The following RPA1 variants were observed in gnomAD, a reference collection of about 807,000 sequenced individuals.
RPA1 encodes replication protein A1, also known as replication protein A 70 kDa DNA-binding subunit.
In RPA1, 49 loss-of-function variants were observed where a neutral mutation model predicts 83.0. The observed-to-expected ratio is 0.59, with a 90% CI of 0.47 to 0.75. The LOEUF is 0.75. RPA1 is among the 30% of genes least tolerant of loss of function. The pLI, the probability that RPA1 is intolerant of heterozygous loss-of-function variation, is 0.00. For synonymous variants in RPA1, 279 were observed against 281.8 expected (o/e 0.99, Z 0.10); for missense variants, 693 against 776.1 (o/e 0.89, Z 1.27).
intron 4 of RPA1, among the ~76,000 whole-genome samples, chr17:1,847,804 A>G (rs1300728278): frequency 3.3e-5 from 5 of 151,680 alleles, no homozygotes; most frequent in African/African-American, 1.2e-4. Flanking sequence ...GGCAGATCAC[A>G]AGGACAGGAG....
intron 14 of RPA1, among the ~76,000 whole-genome samples, chr17:1,890,095 C>G (rs561530053): frequency 6.6e-6 from 1 of 152,250 alleles, no homozygotes; most frequent in South Asian, 2.1e-4. Context: ...ATTGGCCAGG[C>G]GCAGTGACTT....
intron 14 of RPA1, among the ~76,000 whole-genome samples, chr17:1,890,556 G>A (rs923844003): frequency 1.9e-4 from 29 of 151,846 alleles, no homozygotes; most frequent in Middle Eastern, 3.4e-3. Context: ...CCAGCTACTA[G>A]GGAGGCTGAG....
intron 1 of RPA1, among the ~76,000 whole-genome samples, chr17:1,840,107 AAAAAAG>A (rs1343414850): frequency 2.0e-5 from 3 of 151,902 alleles, no homozygotes; most frequent in Admixed American, 2.0e-4. Context: ...GTACAATAAA[AAAAAAG>A]AAAAAGAAAA....
chr17:1,844,181 G>A (rs1597422453), intron 3 of RPA1, among the ~76,000 whole-genome samples, 183 bp downstream of exon 3: 1 of 152,160 alleles, frequency 6.6e-6, no homozygotes, highest in Non-Finnish European at 1.5e-5. Context: ...GTAGTGGAAA[G>A]CTGCCACTTG....
intron 13 of RPA1, among the ~76,000 whole-genome samples, chr17:1,886,259 C>T (rs1188900711): frequency 6.6e-6 from 1 of 152,206 alleles, no homozygotes; most frequent in Non-Finnish European, 1.5e-5. Flanking sequence ...CAATAAACTA[C>T]ACTATAAATA....
chr17:1,844,274 G>A (rs181997673), intron 3 of RPA1, among the ~76,000 whole-genome samples: 9 of 152,240 alleles, frequency 5.9e-5, no homozygotes, highest in Non-Finnish European at 1.2e-4. Flanking sequence ...GACTGAGTGC[G>A]AGGGGTCAGC....
At chr17:1,891,426 G>A (rs1307912785) in intron 14 of RPA1, among the ~76,000 whole-genome samples, 4 of 151,602 alleles carry the variant, frequency 2.6e-5, no homozygotes, top group African/African-American at 4.8e-5. Flanking sequence ...GCTGCACCTC[G>A]ACAGGAACTA....
At chr17:1,851,399 C>T (rs2151274510) in intron 4 of RPA1, among the ~76,000 whole-genome samples, 1 of 152,154 alleles carries the variant, frequency 6.6e-6, no homozygotes, top group East Asian at 1.9e-4. Flanking sequence ...CTTTTTTCTC[C>T]TTTACTGTTT....
chr17:1,836,802 C>T (rs1911842232), intron 1 of RPA1, among the ~76,000 whole-genome samples: 1 of 150,766 alleles, frequency 6.6e-6, no homozygotes, highest in African/African-American at 2.4e-5. Flanking sequence ...GCTGGGACTA[C>T]AAGTGCATGC....
chr17:1,846,520 C>A (rs573967093), intron 4 of RPA1, among the ~76,000 whole-genome samples: 1 of 151,968 alleles, frequency 6.6e-6, no homozygotes, highest in African/African-American at 2.4e-5. Flanking sequence ...CGGGGTTTCA[C>A]CATGTTAGCC....
Position 1,853,105 on chromosome 17 carries a change from G to A in RPA1, c.277G>A (p.Val93Ile), listed in dbSNP as rs748785852. Residue 93 changes from valine to isoleucine, a missense_variant, in exon 5 of 17, where the codon GTA (valine) becomes ATA (isoleucine). Physicochemically the swap from Val to Ile is conservative, Grantham distance 29 (BLOSUM62 3). Transcript: ENST00000254719. Reference protein sequence around the residue: ...IVNTLKDGRRVVILMELEVLK... With the variant: ...IVNTLKDGRRIVILMELEVLK... Reference sequence around the variant, plus strand: ...TCTGTTTGTCTGCTTTTGCAGGAGAGTAGTTATCTTGATGGAATTAGAAGT... The same window carrying A: ...TCTGTTTGTCTGCTTTTGCAGGAGAATAGTTATCTTGATGGAATTAGAAGT... 5.6e-6 allele frequency: 9 copies of A among 1,614,044 alleles called. No homozygotes were observed. The highest frequency in any genetic ancestry group is 7.6e-6 in the Non-Finnish European group (9 of 1,179,888).
At chr17:1,894,227 T>C (rs921493205) in intron 15 of RPA1, among the ~76,000 whole-genome samples, 6 of 151,872 alleles carry the variant, frequency 4.0e-5, no homozygotes, top group Non-Finnish European at 7.4e-5. Context: ...AGTGCAGTAG[T>C]GCAGTCTCAG....
At chr17:1,854,301 A>C (rs1324981447) in intron 5 of RPA1, 1 of 152,218 alleles carries the variant, frequency 6.6e-6, no homozygotes, top group Non-Finnish European at 1.5e-5. Flanking sequence ...ATTTTTTTCA[A>C]GTTAGAAAAT....
intron 5 of RPA1, among the ~76,000 whole-genome samples, chr17:1,869,311 C>T (rs1034634785): frequency 3.3e-5 from 5 of 151,990 alleles, no homozygotes; most frequent in South Asian, 2.1e-4. Context: ...TTGAGGTGGG[C>T]GGGTCACCTG....
In RPA1 at chr17:1,834,128, C is replaced by T. The variant is rs138256472; in HGVS notation, c.33+4002C>T. ...CCGTGAGGCAGAGGTTGCAGTGAGC[C>T]GAGATTGCACCAGTGCATTCCAGAC... is the stretch of plus-strand genomic sequence containing the variant. On this transcript the variant is annotated intron_variant, in intron 1 of 16. Transcript: ENST00000254719. Among the ~76,000 whole-genome samples the T allele has an allele frequency of 8.6e-3, 1,311 of 152,090 alleles. 21 individuals carry two copies. The highest frequency in any genetic ancestry group is 0.03 in the African/African-American group (1,233 of 41,482).
chr17:1,845,709 T>C (rs1320230877), intron 4 of RPA1, among the ~76,000 whole-genome samples: 1 of 152,028 alleles, frequency 6.6e-6, no homozygotes, highest in Non-Finnish European at 1.5e-5. Flanking sequence ...GTAGGGAGGA[T>C]CACTTGAGCC....
chr17:1,877,345 C>T (rs1254048847), intron 8 of RPA1, 31 bp downstream of exon 8: 2 of 1,591,220 alleles, frequency 1.3e-6, no homozygotes, highest in African/African-American at 2.7e-5. Flanking sequence ...GGAGTGAGGG[C>T]AGTGGGCTCG....
chr17:1,881,373 T>A (rs777253546), intron 12 of RPA1, among the ~76,000 whole-genome samples: 2 of 152,160 alleles, frequency 1.3e-5, no homozygotes, highest in Non-Finnish European at 2.9e-5. Flanking sequence ...TTTCCAGCTG[T>A]GTCTTAGGAT....
rs201134777 is a variant in RPA1 at position 1,893,517 on chromosome 17, G to A, written c.1660-1492G>A. Among the ~76,000 whole-genome samples the A allele has an allele frequency of 1.6e-4, 24 of 152,316 alleles. No individual in the cohort carries two copies. The East Asian group carries it at 2.3e-3, about 15-fold the overall frequency. On this transcript the variant is annotated intron_variant, in intron 15 of 16. Coordinates refer to ENST00000254719, the MANE Select transcript of RPA1 (RefSeq NM_002945.5). ...TGTATAGCAAAGCTGCTTTCACGCC[G>A]TGCGTGACTTGCAAAAAACACTAGG...
Sources: gnomAD v4.1 joint callset for allele counts (sites outside exome capture counted in the v4.1 genomes callset) on GRCh38, gnomAD v4.1.1 for gene constraint, MANE v1.5 for transcripts, NCBI Gene and HGNC (gene_info 2026-07-23, HGNC 2026-07-21) for gene names.